PTPRN2: variants seen among roughly 807,000 people sequenced by gnomAD.
PTPRN2 encodes the protein protein tyrosine phosphatase receptor type N2, also known as receptor-type tyrosine-protein phosphatase N2.
PTPRN2 carries 74 observed loss-of-function variants against 118.8 expected under a neutral mutation model. The ratio of observed to expected loss-of-function variants is 0.62; its 90% CI spans 0.52 to 0.76. The LOEUF (loss-of-function observed/expected upper bound fraction) is 0.76, where lower values mean the gene tolerates loss of function less well. PTPRN2 is among the 30% of genes least tolerant of loss of function. The pLI is 0.00. For missense variants in PTPRN2, 1,481 were observed against 1,394.4 expected (o/e 1.06, Z -0.99); for synonymous variants, 641 against 608.0 (o/e 1.05, Z -0.80).
chr7:157,709,700 A>G (rs1430775064), intron 12 of PTPRN2, among the ~76,000 whole-genome samples: 2 of 152,178 alleles, frequency 1.3e-5, no homozygotes, highest in African/African-American at 4.8e-5. Flanking sequence ...GAGCTGCGCC[A>G]CACACCCGCC....
intron 6 of PTPRN2, among the ~76,000 whole-genome samples, chr7:158,152,050 T>C (rs1434916076): frequency 1.3e-5 from 2 of 151,878 alleles, no homozygotes; most frequent in African/African-American, 4.8e-5. Flanking sequence ...GGCAGACGCC[T>C]GTAGTCCCAG....
At chr7:157,576,521 G>C (rs924936318) in intron 19 of PTPRN2, 92 bp downstream of exon 19, 26 of 1,304,324 alleles carry the variant, frequency 2.0e-5, no homozygotes, top group Non-Finnish European at 2.2e-5. Context: ...CGCGGCCCTC[G>C]GCGCCAGGGG....
At chr7:158,548,292 C>T (rs1054860198) in intron 1 of PTPRN2, among the ~76,000 whole-genome samples, 2 of 152,230 alleles carry the variant, frequency 1.3e-5, no homozygotes, top group East Asian at 3.8e-4. Flanking sequence ...CAAGAGCAGC[C>T]GGCCCCGATT....
Position 158,444,087 on chromosome 7 carries a change from G to A in PTPRN2, c.163+45648C>T, listed in dbSNP as rs563413208. Among the ~76,000 whole-genome samples, 1,130 of 152,340 alleles carry A rather than the reference G, an allele frequency of 7.4e-3. 19 individuals carry two copies. The highest frequency in any genetic ancestry group is 0.025 in the African/African-American group (1,043 of 41,582). On this transcript the variant is annotated intron_variant, in intron 2 of 22. Transcript: ENST00000389418. ...ACTGCACGGGGAGGTGCTAGAGAAGGGAGGGGGCCTGTGGGCACTGCCACT... is the reference window on the plus strand; with the variant it reads ...ACTGCACGGGGAGGTGCTAGAGAAGAGAGGGGGCCTGTGGGCACTGCCACT...
intron 4 of PTPRN2, among the ~76,000 whole-genome samples, chr7:158,199,666 G>GCC (rs762988012): frequency 2.0e-5 from 2 of 102,516 alleles, no homozygotes; most frequent in African/African-American, 2.9e-5. Flanking sequence ...TACACATGGA[G>GCC]TGGAGAAAGC....
chr7:158,152,873 G>A (rs562165068), intron 6 of PTPRN2, among the ~76,000 whole-genome samples: 6 of 149,106 alleles, frequency 4.0e-5, no homozygotes, highest in African/African-American at 1.5e-4. Context: ...ACCAACCAGT[G>A]GGACAAGAGC....
intron 2 of PTPRN2, among the ~76,000 whole-genome samples, chr7:158,333,598 C>T (rs1235406187): frequency 7.9e-5 from 12 of 151,444 alleles, no homozygotes; most frequent in Non-Finnish European, 8.8e-5. Flanking sequence ...TCACACACAC[C>T]CACACTCTCA....
intron 12 of PTPRN2, among the ~76,000 whole-genome samples, chr7:157,889,952 C>A (rs780857151): frequency 1.3e-5 from 2 of 152,218 alleles, no homozygotes; most frequent in Admixed American, 1.3e-4. Context: ...TCTGTGCACA[C>A]ACATGTTTAC....
intron 3 of PTPRN2, among the ~76,000 whole-genome samples, chr7:158,311,286 T>C (rs151321257): frequency 4.9e-4 from 74 of 152,358 alleles, no homozygotes; most frequent in Middle Eastern, 3.4e-3. Context: ...ATGATAACAC[T>C]GTTTTATGTA....
At chr7:157,640,995 C>T (rs6975145) in intron 14 of PTPRN2, among the ~76,000 whole-genome samples, 4,298 of 152,134 alleles carry the variant, frequency 0.028, 188 homozygotes, top group African/African-American at 0.096. Flanking sequence ...AAATGAGAGT[C>T]GGTCTGAACA....
intron 1 of PTPRN2, among the ~76,000 whole-genome samples, chr7:158,556,152 G>A (rs964963585): frequency 6.6e-6 from 1 of 152,212 alleles, no homozygotes; most frequent in Non-Finnish European, 1.5e-5. Context: ...AATGATAGAG[G>A]ATAGATATAG....
intron 3 of PTPRN2, among the ~76,000 whole-genome samples, chr7:158,240,578 G>C (rs1052895173): frequency 3.9e-5 from 6 of 152,130 alleles, no homozygotes; most frequent in African/African-American, 1.4e-4. Context: ...ATAGGTGTGT[G>C]CCACCACACC....
chr7:158,142,763 G>A (rs1476017415), intron 6 of PTPRN2, among the ~76,000 whole-genome samples: 3 of 152,250 alleles, frequency 2.0e-5, no homozygotes, highest in African/African-American at 4.8e-5. Flanking sequence ...GCCTAAAACC[G>A]CAGCAAAGCC....
In PTPRN2 at chr7:157,787,242, T is replaced by C. The variant is rs1328684876; in HGVS notation, c.1789-104305A>G. The stretch of plus-strand genomic sequence containing the variant: ...GGGAAACCCACTTGGATGCCACTTA[T>C]GACCCCCGCGTGCCAGTGGATGCCC... On this transcript the variant is annotated intron_variant, in intron 12 of 22. Coordinates refer to ENST00000389418, the MANE Select transcript of PTPRN2 (RefSeq NM_002847.5). This position sits in a 1 kb window ranked among gnomAD's most constrained non-coding sequence, Gnocchi z 5.3. Among the ~76,000 whole-genome samples the C allele has an allele frequency of 6.6e-6, 1 of 152,116 alleles. No individual in the cohort carries two copies. The highest frequency in any genetic ancestry group is 1.9e-4 in the East Asian group (1 of 5,164).
At chr7:157,760,495 G>T (rs1033124703) in intron 12 of PTPRN2, among the ~76,000 whole-genome samples, 2 of 151,966 alleles carry the variant, frequency 1.3e-5, no homozygotes, top group Non-Finnish European at 2.9e-5. Flanking sequence ...ACAGAAGTGC[G>T]AAGGAGAATG....
intron 11 of PTPRN2, among the ~76,000 whole-genome samples, chr7:157,913,929 GC>G (rs1448177441): frequency 2.0e-5 from 3 of 152,144 alleles, no homozygotes; most frequent in Admixed American, 1.3e-4. Flanking sequence ...AAATATGTGG[GC>G]CTGATATTTT....
At chr7:157,556,647 TCA>T (rs1171407911) in intron 21 of PTPRN2, among the ~76,000 whole-genome samples, 5 of 128,154 alleles carry the variant, frequency 3.9e-5, no homozygotes, top group Non-Finnish European at 8.4e-5. Context: ...ACACACACAT[TCA>T]CACAAACATG....
chr7:157,852,895 T>C (rs909077807), intron 12 of PTPRN2, among the ~76,000 whole-genome samples: 1 of 147,824 alleles, frequency 6.8e-6, no homozygotes, highest in Non-Finnish European at 1.5e-5. Context: ...ACTAGCACAG[T>C]GGACCCTGAA....
intron 3 of PTPRN2, among the ~76,000 whole-genome samples, chr7:158,274,459 C>T (rs1192921608): frequency 6.9e-6 from 1 of 145,574 alleles, no homozygotes; most frequent in Non-Finnish European, 1.5e-5. Context: ...CACGGGGAGC[C>T]GCAGACACAG....
Sources: gnomAD v4.1 joint callset for allele counts (sites outside exome capture counted in the v4.1 genomes callset) on GRCh38, gnomAD v4.1.1 for gene constraint, Gnocchi (gnomAD v3.1) non-coding constraint, MANE v1.5 for transcripts, NCBI Gene and HGNC (gene_info 2026-07-23, HGNC 2026-07-21) for gene names.